Variants in EPHA5 observed in about 807,000 individuals in gnomAD.
The protein encoded by EPHA5 is EPH receptor A5, also known as ephrin type-A receptor 5.
EPHA5 carries 60 observed loss-of-function variants against 105.0 expected under a neutral mutation model. That is an observed-to-expected ratio of 0.57 (90% confidence interval 0.46 to 0.71). The LOEUF (loss-of-function observed/expected upper bound fraction) is 0.71. EPHA5 is among the 30% of genes least tolerant of loss of function. The pLI, the probability that EPHA5 is intolerant of heterozygous loss-of-function variation, is 0.00. For synonymous variants in EPHA5, 513 were observed against 449.1 expected (o/e 1.14, Z -1.80); for missense variants, 1,218 against 1,274.7 (o/e 0.96, Z 0.68).
At chr4:65,455,749 C>T (rs1318844536) in intron 5 of EPHA5, among the ~76,000 whole-genome samples, 2 of 152,130 alleles carry the variant, frequency 1.3e-5, no homozygotes, top group Non-Finnish European at 2.9e-5. Flanking sequence ...CTGTCATTGA[C>T]ATTTAACTCT....
intron 3 of EPHA5, among the ~76,000 whole-genome samples, chr4:65,506,913 T>A (rs560040860): frequency 1.3e-5 from 2 of 152,258 alleles, no homozygotes; most frequent in South Asian, 4.1e-4. Flanking sequence ...CTTTTGGTGT[T>A]TGGTGTTTTA....
At chr4:65,640,308 C>T (rs1365546135) in intron 2 of EPHA5, among the ~76,000 whole-genome samples, 16 of 73,176 alleles carry the variant, frequency 2.2e-4, no homozygotes, top group African/African-American at 6.8e-4. Flanking sequence ...TTTTTTGAGA[C>T]GGAGTCTCGC....
chr4:65,324,100 AC>A lies in EPHA5; in HGVS notation c.*13del. ...GCAGAATCATTCACTTGAAGAAGCGACATTTACATGAAGTTACAATGGCACC... is the reference window on the plus strand; with the variant it reads ...GCAGAATCATTCACTTGAAGAAGCGAATTTACATGAAGTTACAATGGCACC... On this transcript the variant is annotated 3_prime_UTR_variant, in exon 17 of 17. Coordinates refer to ENST00000613740, the MANE Select transcript of EPHA5 (RefSeq NM_001281766.3). 6.4e-7 allele frequency: 1 copy of A among 1,568,672 alleles called. No homozygotes were observed. The highest frequency in any genetic ancestry group is 8.8e-7 in the Non-Finnish European group (1 of 1,140,692).
At chr4:65,500,923 A>G (rs1732424622) in intron 3 of EPHA5, among the ~76,000 whole-genome samples, 1 of 151,206 alleles carries the variant, frequency 6.6e-6, no homozygotes, top group Non-Finnish European at 1.5e-5. Flanking sequence ...ATTAACTTTC[A>G]AAAGCATTGC....
intron 2 of EPHA5, among the ~76,000 whole-genome samples, chr4:65,618,521 A>G (rs1359541075): frequency 1.3e-5 from 2 of 152,206 alleles, no homozygotes; most frequent in Non-Finnish European, 2.9e-5. Flanking sequence ...GCCATGTTTT[A>G]GATCTGATCA....
In EPHA5 at chr4:65,328,605, T is replaced by G. The variant is rs115379400; in HGVS notation, c.2945+3368A>C. ...TGAATATTCCCCAAACTTCAATATT[T>G]ATTGCTTTTGTCAGAGTTTTATCAT... On this transcript the variant is annotated intron_variant, in intron 16 of 16. Transcript: ENST00000613740. Among the ~76,000 whole-genome samples the G allele has an allele frequency of 5.7e-3, 860 of 150,560 alleles. 3 individuals carry two copies. The highest frequency in any genetic ancestry group is 0.01 in the Non-Finnish European group (677 of 67,120).
chr4:65,610,597 CTAA>C (rs1370798783), intron 2 of EPHA5, among the ~76,000 whole-genome samples: 1 of 151,782 alleles, frequency 6.6e-6, no homozygotes, highest in Non-Finnish European at 1.5e-5. Context: ...GAAAAATTTA[CTAA>C]TAAGAACAAA....
intron 8 of EPHA5, among the ~76,000 whole-genome samples, chr4:65,379,656 G>A (rs971831319): frequency 4.0e-5 from 6 of 151,506 alleles, no homozygotes; most frequent in African/African-American, 1.5e-4. Context: ...TATCATAATC[G>A]ATGTGACAGA....
At chr4:65,336,310 T>C (rs1721181650) in intron 14 of EPHA5, among the ~76,000 whole-genome samples, 185 bp from the exon 15 acceptor site, 1 of 152,042 alleles carries the variant, frequency 6.6e-6, no homozygotes, top group South Asian at 2.1e-4. Flanking sequence ...AAAATAAATA[T>C]ACTATCATAA....
At chr4:65,573,389 T>A in intron 3 of EPHA5, 1 of 912,142 alleles carries the variant, frequency 1.1e-6, no homozygotes, top group South Asian at 2.0e-5. Context: ...CCAGCCTGGG[T>A]GACCGAGCCA....
intron 5 of EPHA5, among the ~76,000 whole-genome samples, chr4:65,423,491 TTTC>T (rs1412685884): frequency 6.6e-6 from 1 of 152,062 alleles, no homozygotes; most frequent in Non-Finnish European, 1.5e-5. Context: ...TTTGTCCATT[TTTC>T]TTCATTTTTA....
At chr4:65,624,229 TAG>T (rs553084971) in intron 2 of EPHA5, among the ~76,000 whole-genome samples, 1 of 152,148 alleles carries the variant, frequency 6.6e-6, no homozygotes, top group African/African-American at 2.4e-5. Flanking sequence ...CAGAGAATGT[TAG>T]AGAGGATAAG....
chr4:65,365,689 A>ATATATATATT (rs765636669), intron 10 of EPHA5, among the ~76,000 whole-genome samples: 2,543 of 93,536 alleles, frequency 0.027, 329 homozygotes, highest in Non-Finnish European at 0.043. Flanking sequence ...ATATATATAT[A>ATATATATATT]GTGAAACATT....
intron 8 of EPHA5, chr4:65,376,878 A>C: frequency 1.3e-6 from 1 of 753,482 alleles, no homozygotes; most frequent in Middle Eastern, 2.5e-4. Context: ...GTTAGGATTC[A>C]CCTTGGGGAG....
At chr4:65,346,144 T>C (rs1722208347) in intron 14 of EPHA5, among the ~76,000 whole-genome samples, 1 of 151,802 alleles carries the variant, frequency 6.6e-6, no homozygotes, top group South Asian at 2.1e-4. Context: ...TTTTCATACA[T>C]TTATTGGCCA....
intron 5 of EPHA5, among the ~76,000 whole-genome samples, chr4:65,430,276 C>G (rs1341889205): frequency 1.3e-5 from 2 of 151,322 alleles, no homozygotes; most frequent in African/African-American, 4.9e-5. Context: ...ATTTTTTGTT[C>G]CACTGGAACA....
Position 65,525,390 on chromosome 4 carries a change from C to A in EPHA5, c.911-29847G>T, listed in dbSNP as rs1389311282. Among the ~76,000 whole-genome samples the A allele has an allele frequency of 3.3e-5, 5 of 151,756 alleles. 1 individual carries two copies. The highest frequency in any genetic ancestry group is 2.6e-4 in the Admixed American group (4 of 15,188). On this transcript the variant is annotated intron_variant, in intron 3 of 16. Transcript: ENST00000613740. ...TTTTAAAGACAGATTTAAATTTTAT[C>A]ATGAATCTAATATATAGCCTTTTAT... is the stretch of plus-strand genomic sequence containing the variant.
At chr4:65,328,812 C>G (rs894720011) in intron 16 of EPHA5, among the ~76,000 whole-genome samples, 3 of 150,948 alleles carry the variant, frequency 2.0e-5, no homozygotes, top group Non-Finnish European at 3.0e-5. Context: ...TGTAGGTACT[C>G]CTATGTGTAC....
chr4:65,529,086 T>G (rs1227744847), intron 3 of EPHA5, among the ~76,000 whole-genome samples: 1 of 152,152 alleles, frequency 6.6e-6, no homozygotes, highest in Non-Finnish European at 1.5e-5. Flanking sequence ...ATTGGTTGCA[T>G]AGTGAATGTA....
Sources: gnomAD v4.1 joint callset for allele counts (sites outside exome capture counted in the v4.1 genomes callset) on GRCh38, gnomAD v4.1.1 for gene constraint, MANE v1.5 for transcripts, NCBI Gene and HGNC (gene_info 2026-07-23, HGNC 2026-07-21) for gene names.